KCND2: variants seen among roughly 807,000 people sequenced by gnomAD.
KCND2 encodes the protein potassium voltage-gated channel subfamily D member 2.
KCND2 carries 16 observed loss-of-function variants against 54.4 expected under a neutral mutation model. The ratio of observed to expected loss-of-function variants is 0.29; its 90% CI spans 0.20 to 0.45. The LOEUF (loss-of-function observed/expected upper bound fraction) is 0.45. Among genes scored for constraint, KCND2 ranks in the 20% least tolerant of loss-of-function variants. The pLI is 1.00. For synonymous variants in KCND2, 317 were observed against 310.7 expected, an observed-to-expected ratio of 1.02 and a Z score of -0.21; for missense variants, 486 against 824.2, an observed-to-expected ratio of 0.59 and a Z score of 5.02.
chr7:120,747,882 G>A lies in KCND2; in HGVS notation c.*24G>A. On this transcript the variant is annotated 3_prime_UTR_variant, in exon 6 of 6. Transcript: ENST00000331113. ...AAGACAATTGGAATAAGGTCTAAGA[G>A]AATTCGAGCCCTGGCTGTGAAAAGA... The A allele has an allele frequency of 2.6e-6, 4 of 1,562,648 alleles. No homozygotes were observed. The highest frequency in any genetic ancestry group is 3.5e-6 in the Non-Finnish European group (4 of 1,135,546).
intron 1 of KCND2, among the ~76,000 whole-genome samples, chr7:120,489,615 A>G (rs1464333606): frequency 1.3e-5 from 2 of 152,168 alleles, no homozygotes; most frequent in Non-Finnish European, 2.9e-5. Context: ...GCATTTACAG[A>G]GATTTCCATA....
At chr7:120,664,461 G>A (rs987066340) in intron 1 of KCND2, among the ~76,000 whole-genome samples, 6 of 151,726 alleles carry the variant, frequency 4.0e-5, no homozygotes, top group Non-Finnish European at 5.9e-5. Context: ...TAGGAGAGAA[G>A]AAATGAAGGG....
At chr7:120,619,896 C>A (rs1213047816) in intron 1 of KCND2, among the ~76,000 whole-genome samples, 1 of 152,014 alleles carries the variant, frequency 6.6e-6, no homozygotes, top group African/African-American at 2.4e-5. Context: ...AACAAAAATA[C>A]AAAAGCAAGA....
At chr7:120,739,889 C>T (rs545580800) in intron 2 of KCND2, among the ~76,000 whole-genome samples, 4 of 151,908 alleles carry the variant, frequency 2.6e-5, no homozygotes, top group African/African-American at 9.6e-5. Flanking sequence ...TGTAGATAAG[C>T]TCATCATCAT....
intron 1 of KCND2, among the ~76,000 whole-genome samples, chr7:120,413,153 T>G (rs1801475125): frequency 6.6e-6 from 1 of 152,048 alleles, no homozygotes; most frequent in African/African-American, 2.4e-5. Flanking sequence ...TAAAAGAAGA[T>G]TCAGTATTCA....
intron 1 of KCND2, among the ~76,000 whole-genome samples, chr7:120,293,357 AT>A (rs1441463067): frequency 2.6e-5 from 4 of 152,022 alleles, no homozygotes; most frequent in Non-Finnish European, 5.9e-5. Context: ...GCAACCAGAC[AT>A]TTAAAACCCA....
intron 1 of KCND2, among the ~76,000 whole-genome samples, chr7:120,707,241 C>A (rs1792480287): frequency 6.6e-6 from 1 of 152,124 alleles, no homozygotes; most frequent in Non-Finnish European, 1.5e-5. Flanking sequence ...AATCTAGATA[C>A]TTCCAATGCC....
intron 1 of KCND2, among the ~76,000 whole-genome samples, chr7:120,594,283 A>C (rs1025943416): frequency 5.3e-5 from 8 of 152,220 alleles, no homozygotes; most frequent in Non-Finnish European, 1.0e-4. Flanking sequence ...GTTAATTCCT[A>C]GGTAGATAGT....
chr7:120,629,262 C>T (rs1793199179), intron 1 of KCND2, among the ~76,000 whole-genome samples: 3 of 152,216 alleles, frequency 2.0e-5, no homozygotes, highest in South Asian at 2.1e-4. Flanking sequence ...CCGAGGCAGG[C>T]GGATCACGAG....
chr7:120,544,760 A>G (rs182228577), intron 1 of KCND2, among the ~76,000 whole-genome samples: 1 of 152,034 alleles, frequency 6.6e-6, no homozygotes, highest in East Asian at 1.9e-4. Context: ...TTCATTCTCA[A>G]TGACTTTTGC....
chr7:120,563,363 G>T (rs551762169), intron 1 of KCND2, among the ~76,000 whole-genome samples: 1 of 152,102 alleles, frequency 6.6e-6, no homozygotes, highest in Non-Finnish European at 1.5e-5. Context: ...TAGAAACTGT[G>T]CTATACCTTC....
At chr7:120,571,443 G>A (rs985146253) in intron 1 of KCND2, among the ~76,000 whole-genome samples, 1 of 152,186 alleles carries the variant, frequency 6.6e-6, no homozygotes, top group African/African-American at 2.4e-5. Context: ...AAGGGTTCGT[G>A]AAAGGAACAG....
At chr7:120,376,410 T>G (rs564856564) in intron 1 of KCND2, among the ~76,000 whole-genome samples, 2 of 151,452 alleles carry the variant, frequency 1.3e-5, no homozygotes, top group African/African-American at 2.4e-5. Context: ...ACCTCAAATA[T>G]GTTCACTTAC....
intron 1 of KCND2, among the ~76,000 whole-genome samples, chr7:120,628,517 T>G (rs1274137176): frequency 6.6e-6 from 1 of 152,128 alleles, no homozygotes; most frequent in African/African-American, 2.4e-5. Flanking sequence ...GTAATCCTAA[T>G]TTTTCAATGA....
At chr7:120,520,657 G>A (rs1187063288) in intron 1 of KCND2, among the ~76,000 whole-genome samples, 2 of 152,124 alleles carry the variant, frequency 1.3e-5, no homozygotes, top group Admixed American at 1.3e-4. Flanking sequence ...GTGATAGTAA[G>A]CAGATTATGA....
intron 1 of KCND2, among the ~76,000 whole-genome samples, chr7:120,670,238 C>T (rs867964982): frequency 3.3e-5 from 5 of 152,174 alleles, no homozygotes; most frequent in East Asian, 3.9e-4. Flanking sequence ...TCCAGACCAG[C>T]GTATCATTTT....
intron 1 of KCND2, among the ~76,000 whole-genome samples, chr7:120,451,078 C>G (rs1028475401): frequency 6.6e-6 from 1 of 152,182 alleles, no homozygotes; most frequent in Non-Finnish European, 1.5e-5. Flanking sequence ...CAAAGCATCA[C>G]CTACCCTCTT....
intron 1 of KCND2, among the ~76,000 whole-genome samples, chr7:120,505,001 G>T (rs1355760339): frequency 6.6e-6 from 1 of 151,458 alleles, no homozygotes; most frequent in Non-Finnish European, 1.5e-5. Flanking sequence ...AAAATAAAGG[G>T]CCCAAACTCT....
chr7:120,431,376 A>C (rs1168597261), intron 1 of KCND2, among the ~76,000 whole-genome samples: 1 of 152,224 alleles, frequency 6.6e-6, no homozygotes, highest in Non-Finnish European at 1.5e-5. Flanking sequence ...TTTTCATGGA[A>C]GACCAGAAAA....
Sources: gnomAD v4.1 joint callset for allele counts (sites outside exome capture counted in the v4.1 genomes callset) on GRCh38, gnomAD v4.1.1 for gene constraint, MANE v1.5 for transcripts, NCBI Gene and HGNC (gene_info 2026-07-23, HGNC 2026-07-21) for gene names.